Variants in EIF4E3 observed in about 807,000 individuals in gnomAD.
EIF4E3 encodes eukaryotic translation initiation factor 4E family member 3.
A neutral mutation model predicts 31.7 loss-of-function variants in EIF4E3; 26 were observed. That is an observed-to-expected ratio of 0.82 (90% CI 0.60 to 1.14). EIF4E3 has a LOEUF of 1.14. EIF4E3 is among the 50% of genes most tolerant of loss of function. The pLI is 0.00. For missense variants in EIF4E3, 304 were observed against 270.9 expected (o/e 1.12, Z -0.86); for synonymous variants, 128 against 107.7 (o/e 1.19, Z -1.17).
intron 1 of EIF4E3, among the ~76,000 whole-genome samples, chr3:71,714,011 G>C (rs1448152444): frequency 1.3e-5 from 2 of 152,050 alleles, no homozygotes. Context: ...AGGTGTTCGA[G>C]ACCAGCCTGG....
intron 2 of EIF4E3, among the ~76,000 whole-genome samples, chr3:71,704,559 A>G (rs952021139): frequency 6.6e-6 from 1 of 152,316 alleles, no homozygotes; most frequent in East Asian, 1.9e-4. Flanking sequence ...TAAATCTCCA[A>G]TCTGGAGCTT....
At chr3:71,731,491 C>T (rs2049705725) in intron 1 of EIF4E3, among the ~76,000 whole-genome samples, 1 of 152,206 alleles carries the variant, frequency 6.6e-6, no homozygotes, top group Non-Finnish European at 1.5e-5. Context: ...ACATCAACTG[C>T]CGATCTTCCG....
At chr3:71,696,338 AC>A in intron 4 of EIF4E3, 121 bp downstream of exon 4, 2 of 969,428 alleles carry the variant, frequency 2.1e-6, no homozygotes, top group Non-Finnish European at 3.2e-6. Flanking sequence ...AGAATTTCTC[AC>A]CCCCAGCCTG....
rs1489471408 is a variant in EIF4E3, at chr3:71,679,456, A to T, written c.*5226T>A. The T allele has an allele frequency of 6.6e-6, 1 of 152,188 alleles. No homozygotes were observed. Among genetic ancestry groups the T allele is most frequent in the Non-Finnish European group, 1.5e-5 (1 of 68,014 alleles). 9.4% of individuals were successfully genotyped at this position (152,188 alleles called of 1,614,324 possible). ...AATGAGTTGGTAACTTTTTTCAGGC[A>T]GCAACCAAAACAAAAACATTTAACA... On this transcript the variant is annotated 3_prime_UTR_variant, in exon 7 of 7. Transcript: ENST00000425534.
chr3:71,731,382 G>A (rs555281368), intron 1 of EIF4E3, among the ~76,000 whole-genome samples: 36 of 152,186 alleles, frequency 2.4e-4, no homozygotes, highest in African/African-American at 8.0e-4. Flanking sequence ...TAGTCCCTCC[G>A]CTTGCATGGC....
intron 1 of EIF4E3, among the ~76,000 whole-genome samples, chr3:71,717,569 A>T (rs1193196348): frequency 6.6e-6 from 1 of 152,178 alleles, no homozygotes; most frequent in East Asian, 1.9e-4. Context: ...TATTTGTAAA[A>T]TTAAGAGGTA....
intron 1 of EIF4E3, among the ~76,000 whole-genome samples, chr3:71,730,752 AC>A (rs1559610665): frequency 6.6e-6 from 1 of 151,524 alleles, no homozygotes; most frequent in African/African-American, 2.4e-5. Flanking sequence ...TTTTTTTGAG[AC>A]AGAGTCTTGC....
chr3:71,750,963 C>T (rs1454787417), intron 1 of EIF4E3, among the ~76,000 whole-genome samples: 7 of 151,674 alleles, frequency 4.6e-5, no homozygotes, highest in Admixed American at 2.6e-4. Context: ...GGGGTTTCAC[C>T]GTGTTAGCCA....
downstream of EIF4E3, among the ~76,000 whole-genome samples, chr3:71,673,725 G>A (rs1162537812): frequency 6.6e-6 from 1 of 151,728 alleles, no homozygotes; most frequent in African/African-American, 2.4e-5. Context: ...TAAATTGTCA[G>A]CTCCATGAAA....
At chr3:71,754,714 C>A, upstream of EIF4E3, 1 of 1,482,806 alleles carries the variant, frequency 6.7e-7, no homozygotes, top group East Asian at 3.0e-5. The surrounding 1 kb of genome is among the most constrained non-coding windows in gnomAD (Gnocchi z 5.8). Flanking sequence ...CTGGTGCCCG[C>A]CGTCAGCCAC....
intron 3 of EIF4E3, among the ~76,000 whole-genome samples, chr3:71,697,021 G>A (rs2049148374): frequency 1.4e-5 from 2 of 140,174 alleles, no homozygotes; most frequent in Admixed American, 1.4e-4. Flanking sequence ...CCCGGCCCCT[G>A]AATTTTTTTT....
chr3:71,690,171 G>A lies in EIF4E3; in HGVS notation c.473-6C>T. On this transcript the variant is annotated splice_region_variant and splice_polypyrimidine_tract_variant and intron_variant, in intron 5 of 6. Transcript: ENST00000425534. ...AACTCCTATTACTTCATCATCTGAGGGGAAGACAGGAAAAAAAAAAAATGA... is the reference window on the plus strand; with the variant it reads ...AACTCCTATTACTTCATCATCTGAGAGGAAGACAGGAAAAAAAAAAAATGA... The A allele has an allele frequency of 1.9e-6, 3 of 1,594,108 alleles. No individual in the cohort carries two copies. The highest frequency in any genetic ancestry group is 2.3e-5 in the East Asian group (1 of 44,378).
At chr3:71,742,667 C>A (rs892634290) in intron 1 of EIF4E3, among the ~76,000 whole-genome samples, 1 of 151,204 alleles carries the variant, frequency 6.6e-6, no homozygotes, top group Non-Finnish European at 1.5e-5. Flanking sequence ...AAAGCCAGTA[C>A]AAGAAAAAAA....
chr3:71,683,100 A>T lies in EIF4E3; in HGVS notation c.*1582T>A, dbSNP rs923925630. 3 of 152,188 alleles carry T rather than the reference A, an allele frequency of 2.0e-5. No homozygotes were observed. Among genetic ancestry groups the T allele is most frequent in the African/African-American group, 4.8e-5 (2 of 41,448 alleles). The allele number at this position is 152,188 out of a possible 1,614,324, so 9.4% of individuals were successfully genotyped here. ...AGGAAACTCAAGTTTAGGGAAAAAA[A>T]AAAAGCATTTTAAGAAACCTATGAT... On this transcript the variant is annotated 3_prime_UTR_variant, in exon 7 of 7. Coordinates refer to ENST00000425534, the MANE Select transcript of EIF4E3 (RefSeq NM_001134651.2).
chr3:71,721,127 C>T (rs1220336382), intron 1 of EIF4E3, among the ~76,000 whole-genome samples: 5 of 152,262 alleles, frequency 3.3e-5, no homozygotes, highest in East Asian at 1.9e-4. Flanking sequence ...TCCAGAACTC[C>T]GAAGAGAGCT....
chr3:71,727,156 G>A (rs1385506678), upstream of EIF4E3, among the ~76,000 whole-genome samples: 3 of 152,260 alleles, frequency 2.0e-5, no homozygotes, highest in South Asian at 6.2e-4. Flanking sequence ...ACACTAACAA[G>A]TCCACAACGT....
rs116494662 is a variant in EIF4E3, at chr3:71,718,527, T to G, written c.176+6665A>C. Among the ~76,000 whole-genome samples, 1,330 of 152,294 alleles carry G rather than the reference T, an allele frequency of 8.7e-3. 15 individuals are homozygous for G. The highest frequency in any genetic ancestry group is 0.031 in the African/African-American group (1,270 of 41,558). The stretch of plus-strand genomic sequence containing the variant: ...ATCCCTTCAGTACATGGAGGATGGG[T>G]AGAGAAGTACAGCAGTGTTAAGAGT... On this transcript the variant is annotated intron_variant, in intron 1 of 6. Transcript: ENST00000425534.
chr3:71,692,801 C>T (rs1448064279), intron 5 of EIF4E3, among the ~76,000 whole-genome samples: 2 of 152,028 alleles, frequency 1.3e-5, no homozygotes. Context: ...CTCTATGTTA[C>T]GTAGGGTGGT....
At chr3:71,739,728 CAAG>C (rs1472398874) in intron 1 of EIF4E3, among the ~76,000 whole-genome samples, 2 of 151,602 alleles carry the variant, frequency 1.3e-5, no homozygotes, top group Non-Finnish European at 2.9e-5. Flanking sequence ...GGAATTCCTT[CAAG>C]AAGAAGGAAC....
Sources: allele counts gnomAD v4.1 joint callset (sites outside exome capture counted in the v4.1 genomes callset), GRCh38; gene constraint gnomAD v4.1.1; non-coding constraint Gnocchi (gnomAD v3.1); transcripts MANE v1.5; gene names NCBI Gene and HGNC (gene_info 2026-07-23, HGNC 2026-07-21).